The following KDM4C variants were observed in gnomAD, a reference collection of about 807,000 sequenced individuals.
KDM4C encodes lysine demethylase 4C.
Under a neutral mutation model 129.3 loss-of-function variants are expected in KDM4C, and 81 were observed. The ratio of observed to expected loss-of-function variants is 0.63; its 90% CI spans 0.52 to 0.75. The LOEUF (loss-of-function observed/expected upper bound fraction) is 0.75, where lower values mean the gene tolerates loss of function less well. Among genes scored for constraint, KDM4C ranks in the 30% least tolerant of loss-of-function variants. The pLI is 0.00. For missense variants in KDM4C, 1,457 were observed against 1,304.0 expected, an observed-to-expected ratio of 1.12 and a Z score of -1.81; for synonymous variants, 573 against 456.1, an observed-to-expected ratio of 1.26 and a Z score of -3.26.
intron 20 of KDM4C, among the ~76,000 whole-genome samples, chr9:7,169,461 G>A (rs530605263): frequency 2.0e-4 from 30 of 152,088 alleles, no homozygotes; most frequent in African/African-American, 7.0e-4. Flanking sequence ...TCAGCCTCCT[G>A]AGTAGCTGGG....
chr9:6,794,347 C>T (rs947015856), intron 2 of KDM4C, among the ~76,000 whole-genome samples: 1 of 152,182 alleles, frequency 6.6e-6, no homozygotes, highest in African/African-American at 2.4e-5. Context: ...ATAGCAAGTC[C>T]AGCGGCCTGG....
chr9:6,829,361 T>A (rs1834411421), intron 4 of KDM4C, among the ~76,000 whole-genome samples: 2 of 152,204 alleles, frequency 1.3e-5, no homozygotes, highest in Non-Finnish European at 2.9e-5. Context: ...AGGGGCAGAT[T>A]TCTGTGGGAA....
chr9:7,157,822 T>G (rs1308299076), intron 19 of KDM4C, among the ~76,000 whole-genome samples: 1 of 152,168 alleles, frequency 6.6e-6, no homozygotes, highest in African/African-American at 2.4e-5. Context: ...TCTCTTTTTT[T>G]TGTTGTGTCT....
At chr9:7,000,595 C>T (rs2792240) in intron 12 of KDM4C, among the ~76,000 whole-genome samples, 1 of 151,942 alleles carries the variant, frequency 6.6e-6, no homozygotes, top group African/African-American at 2.4e-5. Context: ...TTTCATGGTG[C>T]ATTCAATTCT....
At chr9:6,964,953 G>A (rs1279631113) in intron 8 of KDM4C, among the ~76,000 whole-genome samples, 3 of 151,560 alleles carry the variant, frequency 2.0e-5, no homozygotes, top group African/African-American at 7.3e-5. Flanking sequence ...GACTTCGTCG[G>A]GAAAAAAAAA....
At chr9:6,777,589 A>G (rs938736696) in intron 1 of KDM4C, among the ~76,000 whole-genome samples, 3 of 152,174 alleles carry the variant, frequency 2.0e-5, no homozygotes, top group African/African-American at 7.2e-5. Flanking sequence ...CTAAGACAAG[A>G]AAGTTGTTAT....
intron 1 of KDM4C, among the ~76,000 whole-genome samples, chr9:6,773,233 C>T (rs1284846840): frequency 6.6e-6 from 1 of 151,900 alleles, no homozygotes; most frequent in African/African-American, 2.4e-5. Context: ...AACTCCTGAG[C>T]TTAAGCGATC....
intron 11 of KDM4C, among the ~76,000 whole-genome samples, chr9:6,988,310 G>A (rs544467379): frequency 6.6e-6 from 1 of 151,924 alleles, no homozygotes; most frequent in Non-Finnish European, 1.5e-5. Context: ...CTTTAAAGTA[G>A]AATGGAGCTG....
intron 15 of KDM4C, among the ~76,000 whole-genome samples, chr9:7,037,458 G>A (rs1440271161): frequency 6.6e-6 from 1 of 152,128 alleles, no homozygotes; most frequent in Non-Finnish European, 1.5e-5. Flanking sequence ...TCTCACCACT[G>A]TCAATGTTGT....
At chr9:7,078,603 G>T (rs1834185787) in intron 17 of KDM4C, among the ~76,000 whole-genome samples, 1 of 152,068 alleles carries the variant, frequency 6.6e-6, no homozygotes, top group African/African-American at 2.4e-5. Flanking sequence ...CCCAAGGTCT[G>T]TATTTTACAT....
intron 1 of KDM4C, among the ~76,000 whole-genome samples, chr9:6,751,147 G>A (rs1818051452): frequency 1.3e-5 from 2 of 152,252 alleles, no homozygotes; most frequent in Admixed American, 1.3e-4. Flanking sequence ...ATCAAAGCAA[G>A]TCAAAAGATC....
At chr9:6,764,669 TGCTACTGCATAAA>T (rs1428345921) in intron 1 of KDM4C, among the ~76,000 whole-genome samples, 6 of 152,244 alleles carry the variant, frequency 3.9e-5, no homozygotes, top group African/African-American at 1.4e-4. Flanking sequence ...ATTTATGAAC[TGCTACTGCATAAA>T]GCCTCAAATT....
intron 17 of KDM4C, among the ~76,000 whole-genome samples, chr9:7,096,897 C>T (rs112817086): frequency 6.6e-6 from 1 of 152,116 alleles, no homozygotes; most frequent in African/African-American, 2.4e-5. Flanking sequence ...ACTAAGCGAT[C>T]GTGAGTCTCT....
intron 13 of KDM4C, among the ~76,000 whole-genome samples, chr9:7,013,143 T>G (rs973655140): frequency 6.6e-6 from 1 of 152,156 alleles, no homozygotes; most frequent in African/African-American, 2.4e-5. Context: ...ATAATAAGAT[T>G]TGTGGAGATT....
chr9:6,814,298 G>A (rs1831682329), intron 3 of KDM4C, among the ~76,000 whole-genome samples: 1 of 152,032 alleles, frequency 6.6e-6, no homozygotes, highest in Non-Finnish European at 1.5e-5. Context: ...ATATAAATAT[G>A]TAAAATTTCT....
chr9:6,746,836 C>A (rs1817892318), intron 1 of KDM4C, among the ~76,000 whole-genome samples: 1 of 148,942 alleles, frequency 6.7e-6, no homozygotes, highest in Non-Finnish European at 1.5e-5. Context: ...GTGAAACCGT[C>A]TCTACTAAAA....
At chr9:6,995,959 C>CA (rs1819659945) in intron 12 of KDM4C, among the ~76,000 whole-genome samples, 1 of 152,194 alleles carries the variant, frequency 6.6e-6, no homozygotes, top group Non-Finnish European at 1.5e-5. Flanking sequence ...TGAGCCACCG[C>CA]GCCCGGCCCT....
chr9:6,972,871 G>T (rs1832244658), intron 8 of KDM4C, among the ~76,000 whole-genome samples: 1 of 152,206 alleles, frequency 6.6e-6, no homozygotes, highest in East Asian at 1.9e-4. Flanking sequence ...GAGAGAAATT[G>T]TAAGAACACT....
intron 1 of KDM4C, chr9:6,723,435 G>A (rs1039266563): frequency 1.3e-5 from 2 of 152,126 alleles, no homozygotes; most frequent in African/African-American, 4.8e-5. Flanking sequence ...AAATCTGAAA[G>A]TAAGTCCAAA....
Sources: allele counts gnomAD v4.1 joint callset (sites outside exome capture counted in the v4.1 genomes callset), GRCh38; gene constraint gnomAD v4.1.1; transcripts MANE v1.5; gene names NCBI Gene and HGNC (gene_info 2026-07-23, HGNC 2026-07-21).